Variants in TMEM161B observed in about 807,000 individuals in gnomAD.
The protein encoded by TMEM161B is transmembrane protein 161B.
In TMEM161B, 34 loss-of-function variants were observed where a neutral mutation model predicts 61.8. The ratio of observed to expected loss-of-function variants is 0.55; its 90% CI spans 0.42 to 0.73. TMEM161B has a LOEUF of 0.73. TMEM161B is among the 30% of genes least tolerant of loss of function. TMEM161B has a pLI of 0.00. For synonymous variants in TMEM161B, 167 were observed against 192.8 expected, an observed-to-expected ratio of 0.87 and a Z score of 1.11; for missense variants, 456 against 558.5, an observed-to-expected ratio of 0.82 and a Z score of 1.85.
intron 5 of TMEM161B, among the ~76,000 whole-genome samples, chr5:88,208,788 A>G (rs1178539501): frequency 6.6e-6 from 1 of 152,220 alleles, no homozygotes; most frequent in Non-Finnish European, 1.5e-5. Flanking sequence ...TGTGCACGTA[A>G]CTATTGATTA....
Position 88,196,335 on chromosome 5 carries a change from T to G in TMEM161B, c.1340A>C (p.Lys447Thr). ...AAAAAGAAGAGGAGTAAAAATATTT[T>G]TTAAGCTGCTCAGTGCCACTGTTAT... ...TQITVALSSL[K>T]NIFTPLLFRG... Residue 447 changes from lysine (K) to threonine (T), a missense_variant, in exon 12 of 12, where the codon AAA becomes ACA. Coordinates refer to ENST00000296595, the MANE Select transcript of TMEM161B (RefSeq NM_153354.5). The G allele has an allele frequency of 6.2e-7, 1 of 1,613,386 alleles. No homozygotes were observed. Among genetic ancestry groups the G allele is most frequent in the Non-Finnish European group, 8.5e-7 (1 of 1,179,552 alleles).
intron 2 of TMEM161B, among the ~76,000 whole-genome samples, chr5:88,229,911 C>T (rs765368491): frequency 9.9e-5 from 15 of 151,700 alleles, no homozygotes; most frequent in South Asian, 4.2e-4. Flanking sequence ...TTTAAAAACA[C>T]GGCAGGCCAG....
At chr5:88,225,439 T>A (rs1749888157) in intron 4 of TMEM161B, among the ~76,000 whole-genome samples, 1 of 152,070 alleles carries the variant, frequency 6.6e-6, no homozygotes, top group Non-Finnish European at 1.5e-5. Context: ...AAATGCAGTT[T>A]TGCAAGCCAC....
chr5:88,261,977 G>A (rs961081214), intron 1 of TMEM161B, among the ~76,000 whole-genome samples: 2 of 152,064 alleles, frequency 1.3e-5, no homozygotes, highest in African/African-American at 4.8e-5. Flanking sequence ...CAATGTCAAG[G>A]AAATGAGAAA....
intron 3 of TMEM161B, among the ~76,000 whole-genome samples, chr5:88,227,692 A>G (rs1472973506): frequency 6.6e-6 from 1 of 152,198 alleles, no homozygotes; most frequent in East Asian, 1.9e-4. Flanking sequence ...TTTTTATGAT[A>G]TACATGAGAA....
chr5:88,239,964 A>G (rs1752457560), intron 2 of TMEM161B, among the ~76,000 whole-genome samples: 1 of 152,016 alleles, frequency 6.6e-6, no homozygotes, highest in South Asian at 2.1e-4. Flanking sequence ...ATAAATAGTC[A>G]TGGTACCAAA....
chr5:88,220,616 T>C lies in TMEM161B; in HGVS notation c.393A>G (p.Thr131=), dbSNP rs373823515. The C allele has an allele frequency of 8.3e-5, 133 of 1,603,922 alleles. No individual in the cohort carries two copies. Among genetic ancestry groups the C allele is most frequent in the Non-Finnish European group, 1.1e-4 (127 of 1,177,392 alleles). ...AGACTAAGCTGATATTCATTTCCTG[T>C]GTAGGCTTCATAAAATTGTAGTAGA... is the stretch of plus-strand genomic sequence containing the variant. ...TEVYYNFMKP[T]QEMNISLVWC... Residue 131 remains threonine (T), a synonymous_variant, in exon 5 of 12, where the codon ACA becomes ACG. Transcript: ENST00000296595.
downstream of TMEM161B, among the ~76,000 whole-genome samples, chr5:88,189,076 A>G (rs1387390460): frequency 6.6e-6 from 1 of 152,082 alleles, no homozygotes; most frequent in Admixed American, 6.5e-5. Flanking sequence ...CTAGAGTTAC[A>G]TACTCTCCTG....
At chr5:88,188,732 C>T (rs931858865), downstream of TMEM161B, among the ~76,000 whole-genome samples, 9 of 152,122 alleles carry the variant, frequency 5.9e-5, no homozygotes, top group African/African-American at 9.7e-5. Context: ...CTGAGCTCCC[C>T]GAAGACAGAG....
intron 8 of TMEM161B, among the ~76,000 whole-genome samples, chr5:88,203,431 G>GTA (rs1744791368): frequency 6.6e-6 from 1 of 151,858 alleles, no homozygotes; most frequent in Admixed American, 6.6e-5. Flanking sequence ...TAATAAGCAG[G>GTA]TATTTAATGA....
intron 8 of TMEM161B, among the ~76,000 whole-genome samples, chr5:88,203,495 T>G (rs1469835219): frequency 6.6e-6 from 1 of 151,836 alleles, no homozygotes; most frequent in Admixed American, 6.6e-5. Context: ...AGAAGAGTCG[T>G]CTGATACTTT....
At chr5:88,238,391 T>G (rs1752207825) in intron 2 of TMEM161B, among the ~76,000 whole-genome samples, 1 of 152,026 alleles carries the variant, frequency 6.6e-6, no homozygotes, top group Admixed American at 6.6e-5. Context: ...ATGGAATAAA[T>G]GAATATTAAC....
chr5:88,232,249 A>G (rs1221768019), intron 2 of TMEM161B, among the ~76,000 whole-genome samples: 1 of 152,218 alleles, frequency 6.6e-6, no homozygotes, highest in Non-Finnish European at 1.5e-5. Context: ...AGGAACATGC[A>G]TGTATGGACC....
At chr5:88,230,275 A>C (rs1750768480) in intron 2 of TMEM161B, among the ~76,000 whole-genome samples, 1 of 152,190 alleles carries the variant, frequency 6.6e-6, no homozygotes, top group African/African-American at 2.4e-5. Context: ...TTACATTAAA[A>C]AATTTTAGGT....
rs1561312881 is a variant in TMEM161B at position 88,203,811 on chromosome 5, AT to A, written c.801-737del. ...TATATATATATATATATATATATAT[AT>A]ATAATTTGCATTACTCCTGACAAGG... On this transcript the variant is annotated intron_variant, in intron 8 of 11. Transcript: ENST00000296595. Among the ~76,000 whole-genome samples the A allele has an allele frequency of 5.7e-3, 418 of 73,046 alleles. 72 individuals carry two copies. Among genetic ancestry groups the A allele is most frequent in the Middle Eastern group, 0.018 (2 of 110 alleles). The allele number at this position is 73,046 out of a possible 152,430, so 47.9% of individuals were successfully genotyped here.
chr5:88,217,052 GA>G (rs1342244593), intron 5 of TMEM161B, among the ~76,000 whole-genome samples: 1 of 152,158 alleles, frequency 6.6e-6, no homozygotes, highest in Non-Finnish European at 1.5e-5. Flanking sequence ...CAGGGTTGAT[GA>G]ATGGATAAAA....
At chr5:88,185,632 T>C (rs1035166330), downstream of TMEM161B, among the ~76,000 whole-genome samples, 1 of 152,210 alleles carries the variant, frequency 6.6e-6, no homozygotes, top group African/African-American at 2.4e-5. Context: ...CATAAACGTA[T>C]TTTTAAAGAC....
At chr5:88,236,972 A>G (rs1003746292) in intron 2 of TMEM161B, among the ~76,000 whole-genome samples, 13 of 152,306 alleles carry the variant, frequency 8.5e-5, no homozygotes, top group African/African-American at 3.1e-4. Context: ...TTAAAACTCT[A>G]TTCAAGTATG....
At chr5:88,241,323 C>G (rs1243005165) in intron 1 of TMEM161B, among the ~76,000 whole-genome samples, 4 of 151,728 alleles carry the variant, frequency 2.6e-5, no homozygotes, top group African/African-American at 9.7e-5. Flanking sequence ...TGGGACAAAT[C>G]CCCTGTGTAG....
Sources: gnomAD v4.1 joint callset for allele counts (sites outside exome capture counted in the v4.1 genomes callset) on GRCh38, gnomAD v4.1.1 for gene constraint, MANE v1.5 for transcripts, NCBI Gene and HGNC (gene_info 2026-07-23, HGNC 2026-07-21) for gene names.